The following SGCZ variants were observed in gnomAD, a reference collection of about 807,000 sequenced individuals.
SGCZ encodes zeta-sarcoglycan.
Under a neutral mutation model 41.3 loss-of-function variants are expected in SGCZ, and 40 were observed. That is an observed-to-expected ratio of 0.97 (90% CI 0.75 to 1.26). The LOEUF (loss-of-function observed/expected upper bound fraction) is 1.26, where lower values mean the gene tolerates loss of function less well. Ranked by LOEUF, SGCZ falls within the 50% of genes most tolerant of loss-of-function variation. SGCZ has a pLI of 0.00. For missense variants in SGCZ, 552 were observed against 369.8 expected (o/e 1.49, Z -4.04); for synonymous variants, 206 against 137.5 (o/e 1.50, Z -3.49).
intron 2 of SGCZ, among the ~76,000 whole-genome samples, chr8:14,549,118 A>G (rs1030464077): frequency 6.6e-6 from 1 of 151,880 alleles, no homozygotes; most frequent in Non-Finnish European, 1.5e-5. Flanking sequence ...GTAGAGTAGT[A>G]TGGAAAATAG....
intron 2 of SGCZ, among the ~76,000 whole-genome samples, chr8:14,334,972 A>G (rs746685306): frequency 6.6e-6 from 1 of 152,140 alleles, no homozygotes. Flanking sequence ...TGCTGATCTT[A>G]AAAGTACAGA....
At chr8:15,064,026 T>C (rs1357416020) in intron 1 of SGCZ, among the ~76,000 whole-genome samples, 1 of 152,196 alleles carries the variant, frequency 6.6e-6, no homozygotes, top group Non-Finnish European at 1.5e-5. Context: ...CAACTATGAC[T>C]CAACTTTTCT....
intron 1 of SGCZ, among the ~76,000 whole-genome samples, chr8:15,228,952 G>T (rs1801858492): frequency 6.6e-6 from 1 of 152,136 alleles, no homozygotes; most frequent in Non-Finnish European, 1.5e-5. Flanking sequence ...CCAGCACTTT[G>T]GGAGGCCAAG....
chr8:14,889,774 TA>T (rs1465759454), intron 1 of SGCZ, among the ~76,000 whole-genome samples: 1 of 152,108 alleles, frequency 6.6e-6, no homozygotes, highest in Non-Finnish European at 1.5e-5. Flanking sequence ...TTGCATATTT[TA>T]AATATATTTT....
intron 1 of SGCZ, among the ~76,000 whole-genome samples, chr8:14,732,131 T>G (rs764774426): frequency 6.6e-5 from 10 of 152,214 alleles, no homozygotes; most frequent in Non-Finnish European, 1.0e-4. Flanking sequence ...ATTATTTAAG[T>G]GATAACAGGA....
At chr8:14,456,903 C>G (rs1053630756) in intron 2 of SGCZ, among the ~76,000 whole-genome samples, 2 of 152,046 alleles carry the variant, frequency 1.3e-5, no homozygotes, top group African/African-American at 4.8e-5. Flanking sequence ...CAACCACACT[C>G]TCTCTCTCTT....
intron 1 of SGCZ, among the ~76,000 whole-genome samples, chr8:15,114,468 T>C (rs1807191892): frequency 6.6e-6 from 1 of 152,228 alleles, no homozygotes; most frequent in African/African-American, 2.4e-5. Flanking sequence ...CAAATGTATT[T>C]TGATTTATAA....
chr8:14,981,783 C>T (rs548248454), intron 1 of SGCZ, among the ~76,000 whole-genome samples: 1 of 152,272 alleles, frequency 6.6e-6, no homozygotes, highest in Admixed American at 6.5e-5. Context: ...ATATTTTAAT[C>T]ATAGTGCATA....
intron 4 of SGCZ, among the ~76,000 whole-genome samples, chr8:14,203,143 C>A (rs1805509828): frequency 6.6e-6 from 1 of 152,172 alleles, no homozygotes; most frequent in Non-Finnish European, 1.5e-5. Context: ...AAACCTCTTT[C>A]TTTTGTAAAT....
At chr8:14,745,584 A>C (rs1331598671) in intron 1 of SGCZ, among the ~76,000 whole-genome samples, 2 of 152,040 alleles carry the variant, frequency 1.3e-5, no homozygotes, top group Non-Finnish European at 2.9e-5. Flanking sequence ...CTAAATACAC[A>C]CATACATAAT....
rs113610034 is a variant in SGCZ at position 15,138,191 on chromosome 8, A to G, written c.39+99394T>C. Among the ~76,000 whole-genome samples the G allele has an allele frequency of 9.1e-3, 1,384 of 152,280 alleles. 18 individuals carry two copies. Among genetic ancestry groups the G allele is most frequent in the African/African-American group, 0.032 (1,336 of 41,554 alleles). Reference sequence around the variant, plus strand: ...AGCCTGTAGCCCCTTGTTTTGGCTAATTTCTACCATTTGGAACAGGTGTGT... The same window carrying G: ...AGCCTGTAGCCCCTTGTTTTGGCTAGTTTCTACCATTTGGAACAGGTGTGT... On this transcript the variant is annotated intron_variant, in intron 1 of 7. Transcript: ENST00000382080.
chr8:14,661,642 C>G (rs1807754059), intron 1 of SGCZ, among the ~76,000 whole-genome samples: 1 of 152,204 alleles, frequency 6.6e-6, no homozygotes, highest in African/African-American at 2.4e-5. Flanking sequence ...TGGCTAAGGA[C>G]AGTGGGAATT....
chr8:15,174,623 C>T (rs1799943564), intron 1 of SGCZ, among the ~76,000 whole-genome samples: 3 of 152,018 alleles, frequency 2.0e-5, no homozygotes, highest in Non-Finnish European at 4.4e-5. Flanking sequence ...AATTATTTTC[C>T]CAAGCGATTG....
intron 1 of SGCZ, among the ~76,000 whole-genome samples, chr8:14,667,328 A>G (rs940912506): frequency 1.3e-5 from 2 of 152,170 alleles, no homozygotes; most frequent in Non-Finnish European, 2.9e-5. Flanking sequence ...GAATAAATTG[A>G]ACTCATACAG....
At chr8:14,264,879 C>T (rs914884285) in intron 3 of SGCZ, among the ~76,000 whole-genome samples, 7 of 152,092 alleles carry the variant, frequency 4.6e-5, no homozygotes, top group Admixed American at 6.5e-5. Context: ...AGGAGAATGG[C>T]GTGAACCCGG....
intron 1 of SGCZ, among the ~76,000 whole-genome samples, chr8:14,986,483 T>C (rs1801828960): frequency 6.6e-6 from 1 of 152,100 alleles, no homozygotes; most frequent in Non-Finnish European, 1.5e-5. Context: ...TCCCCAGCAG[T>C]AATTGAACAA....
Position 14,901,457 on chromosome 8 carries a change from T to C in SGCZ, c.39+336128A>G, listed in dbSNP as rs996428489. Among the ~76,000 whole-genome samples, 10 of 152,186 alleles carry C rather than the reference T, an allele frequency of 6.6e-5. No individual in the cohort carries two copies. In the East Asian group the frequency reaches 1.9e-3, roughly 29 times the overall value. The stretch of plus-strand genomic sequence containing the variant: ...GAATAAAACGTAGGCGTATACGTTT[T>C]TCCTTTCACAGTACAGCACTTTTAG... On this transcript the variant is annotated intron_variant, in intron 1 of 7. Transcript: ENST00000382080.
intron 1 of SGCZ, among the ~76,000 whole-genome samples, chr8:14,945,717 G>A (rs796685191): frequency 7.9e-5 from 12 of 151,776 alleles, no homozygotes; most frequent in African/African-American, 2.9e-4. Context: ...AGGACACAAA[G>A]GGGAATTCTC....
At chr8:14,537,150 G>C (rs1052946229) in intron 2 of SGCZ, among the ~76,000 whole-genome samples, 16 of 151,820 alleles carry the variant, frequency 1.1e-4, no homozygotes, top group African/African-American at 3.9e-4. Flanking sequence ...CACTCTGTAA[G>C]CTCTGCAATA....
Sources: allele counts gnomAD v4.1 joint callset (sites outside exome capture counted in the v4.1 genomes callset), GRCh38; gene constraint gnomAD v4.1.1; transcripts MANE v1.5; gene names NCBI Gene and HGNC (gene_info 2026-07-23, HGNC 2026-07-21).